The following PLEKHS1 variants were observed in gnomAD, a reference collection of about 807,000 sequenced individuals.
The protein encoded by PLEKHS1 is pleckstrin homology domain containing S1.
A neutral mutation model predicts 51.0 loss-of-function variants in PLEKHS1; 55 were observed. That is an observed-to-expected ratio of 1.08 (90% confidence interval 0.87 to 1.35). PLEKHS1 has a LOEUF of 1.35. Among genes scored for constraint, PLEKHS1 ranks in the 40% most tolerant of loss-of-function variants. The pLI, the probability that PLEKHS1 is intolerant of heterozygous loss-of-function variation, is 0.00. For missense variants in PLEKHS1, 398 were observed against 423.0 expected (o/e 0.94, Z 0.52); for synonymous variants, 153 against 144.8 (o/e 1.06, Z -0.41).
At chr10:113,767,561 A>T (rs1323919732) in intron 5 of PLEKHS1, 82 bp downstream of exon 5, 3 of 1,368,102 alleles carry the variant, frequency 2.2e-6, no homozygotes, top group African/African-American at 1.5e-5. Context: ...TATACCAATA[A>T]ACATGTTCTG....
intron 1 of PLEKHS1, among the ~76,000 whole-genome samples, chr10:113,753,245 G>A (rs1457421407): frequency 1.3e-5 from 2 of 152,234 alleles, no homozygotes; most frequent in African/African-American, 2.4e-5. Flanking sequence ...TATAAACATG[G>A]ACAGAGGGAA....
At chr10:113,763,606 C>T (rs1464961545) in intron 2 of PLEKHS1, among the ~76,000 whole-genome samples, 3 of 152,046 alleles carry the variant, frequency 2.0e-5, no homozygotes, top group Non-Finnish European at 4.4e-5. Context: ...TCATTACTTT[C>T]TGTTTTGTTA....
intron 11 of PLEKHS1, among the ~76,000 whole-genome samples, chr10:113,776,416 T>G (rs764009385): frequency 6.6e-6 from 1 of 152,230 alleles, no homozygotes; most frequent in East Asian, 1.9e-4. Context: ...GTAATTTATT[T>G]TGATGGAAGA....
At chr10:113,770,036 C>A in intron 7 of PLEKHS1, 136 bp downstream of exon 7, 1 of 711,758 alleles carries the variant, frequency 1.4e-6, no homozygotes, top group Non-Finnish European at 2.5e-6. Flanking sequence ...AGATTCTTAG[C>A]CCTGATGTTT....
intron 5 of PLEKHS1, among the ~76,000 whole-genome samples, chr10:113,768,247 A>G (rs1844250597): frequency 6.6e-6 from 1 of 151,908 alleles, no homozygotes; most frequent in African/African-American, 2.4e-5. Context: ...TGCCTAGTGG[A>G]CTCTTCATGG....
intron 2 of PLEKHS1, among the ~76,000 whole-genome samples, chr10:113,759,637 G>A (rs1843827733): frequency 6.6e-6 from 1 of 152,062 alleles, no homozygotes; most frequent in South Asian, 2.1e-4. Context: ...TTTTTGATGA[G>A]TAGTATTCCA....
At chr10:113,758,440 T>C (rs546164037) in intron 2 of PLEKHS1, among the ~76,000 whole-genome samples, 1 of 152,292 alleles carries the variant, frequency 6.6e-6, no homozygotes, top group Admixed American at 6.5e-5. Flanking sequence ...TCTTTTTTTT[T>C]CTAAGTAGCA....
intron 2 of PLEKHS1, among the ~76,000 whole-genome samples, chr10:113,756,323 G>T (rs1250220284): frequency 1.3e-5 from 2 of 151,998 alleles, no homozygotes; most frequent in Non-Finnish European, 2.9e-5. Context: ...AAAATTTGCT[G>T]GGCGTGGTGC....
At chr10:113,766,873 GC>G (rs1407582641) in intron 4 of PLEKHS1, among the ~76,000 whole-genome samples, 155 bp downstream of exon 4, 1 of 152,210 alleles carries the variant, frequency 6.6e-6, no homozygotes, top group East Asian at 1.9e-4. Flanking sequence ...AAAATAGTGA[GC>G]ACTTTGAGTT....
exon 8 of PLEKHS1, chr10:113,771,979 G>A: frequency 1.2e-6 from 2 of 1,611,568 alleles, no homozygotes; most frequent in South Asian, 1.1e-5. Flanking sequence ...GCATTTAATG[G>A]AACAAAGTTC....
intron 10 of PLEKHS1, 64 bp from the exon 11 acceptor site, chr10:113,775,701 G>A: frequency 6.4e-6 from 7 of 1,097,540 alleles, no homozygotes; most frequent in Non-Finnish European, 9.4e-6. Context: ...AGTCTACTCA[G>A]AAAGTACAGT....
At chr10:113,782,614 G>A (rs1306493445), downstream of PLEKHS1, 3 of 152,230 alleles carry the variant, frequency 2.0e-5, no homozygotes, top group Non-Finnish European at 4.4e-5. Flanking sequence ...AGATCTGGTT[G>A]TTTAAAAGTG....
At chr10:113,775,646 A>T (rs7899444) in intron 10 of PLEKHS1, 119 bp from the exon 11 acceptor site, 1 of 611,090 alleles carries the variant, frequency 1.6e-6, no homozygotes, top group Non-Finnish European at 2.8e-6. Context: ...AAATGTTTTG[A>T]ACAACCTTTA....
At chr10:113,770,836 T>C (rs1017729856) in intron 7 of PLEKHS1, among the ~76,000 whole-genome samples, 3 of 152,154 alleles carry the variant, frequency 2.0e-5, no homozygotes, top group Admixed American at 1.3e-4. Context: ...ACACTATAGA[T>C]CCAGTGATTT....
chr10:113,778,274 T>G (rs145025589), intron 11 of PLEKHS1, among the ~76,000 whole-genome samples: 252 of 152,328 alleles, frequency 1.7e-3, no homozygotes, highest in African/African-American at 5.7e-3. Context: ...GAGAGTATGC[T>G]GGGTCTTCAA....
chr10:113,753,790 C>CAT (rs925189131), intron 1 of PLEKHS1, among the ~76,000 whole-genome samples: 40 of 142,446 alleles, frequency 2.8e-4, no homozygotes, highest in East Asian at 1.3e-3. Context: ...TCTCTGAACA[C>CAT]ATATATATAT....
intron 1 of PLEKHS1, among the ~76,000 whole-genome samples, chr10:113,753,950 G>A (rs1238820346): frequency 2.6e-5 from 4 of 152,016 alleles, no homozygotes; most frequent in Non-Finnish European, 4.4e-5. Flanking sequence ...TGGGATTACA[G>A]GTGCCCGCCA....
chr10:113,777,385 T>C, intron 11 of PLEKHS1, 126 bp downstream of exon 12: 1 of 1,610,152 alleles, frequency 6.2e-7, no homozygotes, highest in Non-Finnish European at 8.5e-7. Context: ...CACCATCAAG[T>C]GCAAATAACA....
At chr10:113,762,106 C>T (rs953812965) in intron 2 of PLEKHS1, among the ~76,000 whole-genome samples, 2 of 151,888 alleles carry the variant, frequency 1.3e-5, no homozygotes, top group African/African-American at 4.8e-5. Context: ...ATAAAGTTGT[C>T]TATAATATTT....
Sources: gnomAD v4.1 joint callset for allele counts (sites outside exome capture counted in the v4.1 genomes callset) on GRCh38, gnomAD v4.1.1 for gene constraint, MANE v1.5 for transcripts, NCBI Gene and HGNC (gene_info 2026-07-23, HGNC 2026-07-21) for gene names.